Variants in OR2A14 observed in about 807,000 individuals in gnomAD.
OR2A14 encodes olfactory receptor family 2 subfamily A member 14, also known as olfactory receptor 2A14.
Under a neutral mutation model 2.4 loss-of-function variants are expected in OR2A14, and 2 were observed. That is an observed-to-expected ratio of 0.85 (90% CI 0.35 to 2.67). OR2A14 has a LOEUF of 2.67. Ranked by LOEUF, OR2A14 falls within the 30% of genes most tolerant of loss-of-function variation. The pLI, the probability that OR2A14 is intolerant of heterozygous loss-of-function variation, is 0.10. For synonymous variants in OR2A14, 160 were observed against 156.3 expected (o/e 1.02, Z -0.18); for missense variants, 390 against 379.4 (o/e 1.03, Z -0.23).
Position 144,130,005 on chromosome 7 carries a change from G to A in OR2A14, c.893G>A (p.Gly298Asp), listed in dbSNP as rs2051519643. 6.2e-7 allele frequency: 1 copy of A among 1,613,972 alleles called. No individual in the cohort carries two copies. The highest frequency in any genetic ancestry group is 8.5e-7 in the Non-Finnish European group (1 of 1,179,878). Residue 298 changes from glycine to aspartate, a missense_variant, in exon 2 of 2, where the codon GGC (glycine) becomes GAC (aspartate). Gly to Asp is a moderately conservative substitution (Grantham distance 94). Coordinates refer to ENST00000641068, the MANE Select transcript of OR2A14 (RefSeq NM_001001659.3). ...IYSLRNAEVK[G>D]ALRRALRKER... ...AGCCTAAGGAATGCAGAGGTCAAGG[G>A]CGCCCTGAGGAGGGCACTGAGGAAG...
In OR2A14 at chr7:144,130,033, G is replaced by C. The variant is rs750458019; in HGVS notation, c.921G>C (p.Glu307Asp). Residue 307 changes from glutamate to aspartate, a missense_variant, in exon 2 of 2, where the codon GAG becomes GAC. Transcript: ENST00000641068. ...CCCTGAGGAGGGCACTGAGGAAGGAGAGGCTGACGTGAGACATCTCAAAGG... is the reference window on the plus strand; with the variant it reads ...CCCTGAGGAGGGCACTGAGGAAGGACAGGCTGACGTGAGACATCTCAAAGG... ...KGALRRALRK[E>D]RLT The C allele has an allele frequency of 6.2e-6, 10 of 1,611,470 alleles. No individual in the cohort carries two copies. Among genetic ancestry groups the C allele is most frequent in the South Asian group, 2.2e-5 (2 of 90,966 alleles).
In OR2A14 at chr7:144,130,086, T is replaced by C. The variant is rs1460161069; in HGVS notation, c.*41T>C. ...ACCATGGGGAGGGAGCCTTGCTCCC[T>C]GCAAAATATAGAAGTTGGCTTTTTT... On this transcript the variant is annotated 3_prime_UTR_variant, in exon 2 of 2. Coordinates refer to ENST00000641068, the MANE Select transcript of OR2A14 (RefSeq NM_001001659.3). 6.7e-7 allele frequency: 1 copy of C among 1,493,332 alleles called. No individual in the cohort carries two copies. The highest frequency in any genetic ancestry group is 2.3e-5 in the Admixed American group (1 of 44,008). 92.5% of individuals were successfully genotyped at this position (1,493,332 alleles called of 1,614,324 possible). A position where few individuals can be genotyped will look rare whatever the true frequency, so the allele number is the denominator to read the frequency against.
Position 144,130,165 on chromosome 7 carries a change from A to G in OR2A14, c.*120A>G. ...CCTTAAACTGGAATACTATAGACCT[A>G]TACATATAAACTGAAGACACAAATC... On this transcript the variant is annotated 3_prime_UTR_variant, in exon 2 of 2. Transcript: ENST00000641068. 2 of 732,986 alleles carry G rather than the reference A, an allele frequency of 2.7e-6. No individual in the cohort carries two copies. Among genetic ancestry groups the G allele is most frequent in the Non-Finnish European group, 4.5e-6 (2 of 447,794 alleles). The allele number at this position is 732,986 out of a possible 1,614,324, so 45.4% of individuals were successfully genotyped here. A position where few individuals can be genotyped will look rare whatever the true frequency, so the allele number is the denominator to read the frequency against.
chr7:144,124,829 G>T, intron 1 of OR2A14, among the ~76,000 whole-genome samples: 1 of 151,764 alleles, frequency 6.6e-6, no homozygotes. Flanking sequence ...TCTTTAAATT[G>T]CTTTTTAATT....
In OR2A14 at chr7:144,129,609, C is replaced by T. The variant is rs1377006280; in HGVS notation, c.497C>T (p.Pro166Leu). ...LVPLVLILSL[P>L]FCGPHEINHF... is the part of the protein sequence containing the mutation. ...CCTTTAGTTCTCATCCTGAGCCTGC[C>T]CTTCTGCGGGCCTCATGAAATCAAC... Residue 166 changes from proline (P) to leucine (L), a missense_variant, in exon 2 of 2, where the codon CCC (proline) becomes CTC (leucine). Transcript: ENST00000641068. 6.2e-7 allele frequency: 1 copy of T among 1,605,564 alleles called. No homozygotes were observed. Among genetic ancestry groups the T allele is most frequent in the East Asian group, 2.3e-5 (1 of 44,300 alleles).
At chr7:144,127,404 A>G (rs1318984845) in intron 1 of OR2A14, among the ~76,000 whole-genome samples, 1 of 152,158 alleles carries the variant, frequency 6.6e-6, no homozygotes, top group Non-Finnish European at 1.5e-5. Context: ...AGGGATAAAA[A>G]CCTTAGAAAT....
chr7:144,127,742 G>A (rs1217192820), intron 1 of OR2A14, among the ~76,000 whole-genome samples: 1 of 152,076 alleles, frequency 6.6e-6, no homozygotes, highest in African/African-American at 2.4e-5. Context: ...CATCAAAATT[G>A]TTTTTTTAAA....
At chr7:144,123,652 C>T (rs954213756) in intron 1 of OR2A14, among the ~76,000 whole-genome samples, 43 of 152,276 alleles carry the variant, frequency 2.8e-4, no homozygotes, top group Non-Finnish European at 8.8e-5. Context: ...ACAAATAATG[C>T]TAATTTTAAA....
rs566103995 is a variant in OR2A14 at position 144,131,143 on chromosome 7, T to G, written c.*1098T>G. ...TCCTCCTTTGACACTTTCTAAAATA[T>G]GCCATGACTCAATAGCCAGTGGACT... On this transcript the variant is annotated 3_prime_UTR_variant, in exon 2 of 2. Coordinates refer to ENST00000641068, the MANE Select transcript of OR2A14 (RefSeq NM_001001659.3). 1.8e-4 allele frequency: 28 copies of G among 152,334 alleles called. No individual in the cohort carries two copies. The highest frequency in any genetic ancestry group is 6.7e-4 in the African/African-American group (28 of 41,572). The allele number at this position is 152,334 out of a possible 1,614,324, so 9.4% of individuals were successfully genotyped here. A position where few individuals can be genotyped will look rare whatever the true frequency, so the allele number is the denominator to read the frequency against.
Position 144,129,809 on chromosome 7 carries a change from C to T in OR2A14, c.697C>T (p.Arg233Cys), listed in dbSNP as rs530765762. 3.1e-6 allele frequency: 5 copies of T among 1,614,056 alleles called. No homozygotes were observed. In the East Asian group the frequency reaches 6.7e-5, roughly 22 times the overall value. The stretch of plus-strand genomic sequence containing the variant: ...CTTGAGGATCCAGTCTGGGGAGGGC[C>T]GCAGAAAGGCCTTCTCCACCTGCTC... Reference protein sequence around the residue: ...AILRIQSGEGRRKAFSTCSSH... With the variant: ...AILRIQSGEGCRKAFSTCSSH... Residue 233 changes from arginine to cysteine, a missense_variant, in exon 2 of 2, where the codon CGC (arginine) becomes TGC (cysteine). By Grantham distance (180) the Arg-to-Cys change is radical. Coordinates refer to ENST00000641068, the MANE Select transcript of OR2A14 (RefSeq NM_001001659.3).
rs1389418739 is a variant in OR2A14 at position 144,130,160 on chromosome 7, G to A, written c.*115G>A. The A allele has an allele frequency of 2.6e-6, 2 of 767,812 alleles. No homozygotes were observed. The highest frequency in any genetic ancestry group is 2.5e-5 in the East Asian group (1 of 40,048). The allele number at this position is 767,812 out of a possible 1,614,324, so 47.6% of individuals were successfully genotyped here. A position where few individuals can be genotyped will look rare whatever the true frequency, so the allele number is the denominator to read the frequency against. ...TGCTACCTTAAACTGGAATACTATA[G>A]ACCTATACATATAAACTGAAGACAC... On this transcript the variant is annotated 3_prime_UTR_variant, in exon 2 of 2. Coordinates refer to ENST00000641068, the MANE Select transcript of OR2A14 (RefSeq NM_001001659.3).
chr7:144,130,738 CA>C lies in OR2A14; in HGVS notation c.*694del, dbSNP rs2051526112. The C allele has an allele frequency of 6.6e-6, 1 of 151,770 alleles. No individual in the cohort carries two copies. The highest frequency in any genetic ancestry group is 2.1e-4 in the South Asian group (1 of 4,826). 9.4% of individuals were successfully genotyped at this position (151,770 alleles called of 1,614,324 possible). On this transcript the variant is annotated 3_prime_UTR_variant, in exon 2 of 2. Coordinates refer to ENST00000641068, the MANE Select transcript of OR2A14 (RefSeq NM_001001659.3). ...TAGTAGCCAAGTCACATTGAGTTAA[CA>C]GGAGCATAGTACACATCCTCAAGAT...
Position 144,129,986 on chromosome 7 carries a change from A to G in OR2A14, c.874A>G (p.Arg292Gly). Residue 292 changes from arginine to glycine, a missense_variant, in exon 2 of 2, where the codon AGG becomes GGG. Arg to Gly is a moderately radical substitution (Grantham distance 125). Coordinates refer to ENST00000641068, the MANE Select transcript of OR2A14 (RefSeq NM_001001659.3). ...GCTGAACCCCCTGATATATAGCCTA[A>G]GGAATGCAGAGGTCAAGGGCGCCCT... ...PMLNPLIYSL[R>G]NAEVKGALRR... 6.2e-7 allele frequency: 1 copy of G among 1,614,214 alleles called. No homozygotes were observed. The highest frequency in any genetic ancestry group is 1.3e-5 in the African/African-American group (1 of 75,066).
chr7:144,128,615 A>G lies in OR2A14; in HGVS notation c.-34-464A>G, dbSNP rs533954371. On this transcript the variant is annotated intron_variant, in intron 1 of 1. Coordinates refer to ENST00000641068, the MANE Select transcript of OR2A14 (RefSeq NM_001001659.3). ...GCCTGTGAGGAGGTGAGGGACAGTG[A>G]GCAAGCCCATGGCAAACAGAGGGTC... Among the ~76,000 whole-genome samples, 42 of 152,338 alleles carry G rather than the reference A, an allele frequency of 2.8e-4. 1 individual carries two copies. In the South Asian group the frequency reaches 8.1e-3, roughly 29 times the overall value.
rs1311911751 is a variant in OR2A14, at chr7:144,129,793, C to G, written c.681C>G (p.Ile227Met). 1.9e-6 allele frequency: 3 copies of G among 1,614,054 alleles called. No individual in the cohort carries two copies. ...YLRILAAILR[I>M]QSGEGRRKAF... ...GCATCCTGGCCGCCATCTTGAGGAT[C>G]CAGTCTGGGGAGGGCCGCAGAAAGG... The change falls in exon 2 of 2, where the codon ATC becomes ATG. Residue 227 changes from isoleucine (I) to methionine (M), a missense_variant. By Grantham distance (10) the Ile-to-Met change is conservative. Coordinates refer to ENST00000641068, the MANE Select transcript of OR2A14 (RefSeq NM_001001659.3).
At chr7:144,124,683 C>T (rs192408779) in intron 1 of OR2A14, among the ~76,000 whole-genome samples, 1 of 152,062 alleles carries the variant, frequency 6.6e-6, no homozygotes, top group Non-Finnish European at 1.5e-5. Flanking sequence ...AATACGCCCC[C>T]CTTTTCTTTC....
In OR2A14 at chr7:144,131,148, T is replaced by C. The variant is rs1184189081; in HGVS notation, c.*1103T>C. 1 of 152,210 alleles carries C rather than the reference T, an allele frequency of 6.6e-6. No individual in the cohort carries two copies. The highest frequency in any genetic ancestry group is 1.5e-5 in the Non-Finnish European group (1 of 68,058). 9.4% of individuals were successfully genotyped at this position (152,210 alleles called of 1,614,324 possible). ...CTTTGACACTTTCTAAAATATGCCA[T>C]GACTCAATAGCCAGTGGACTGTAAA... On this transcript the variant is annotated 3_prime_UTR_variant, in exon 2 of 2. Transcript: ENST00000641068.
chr7:144,127,828 T>C (rs1351048795), intron 1 of OR2A14, among the ~76,000 whole-genome samples: 3 of 152,190 alleles, frequency 2.0e-5, no homozygotes, highest in Non-Finnish European at 4.4e-5. Context: ...GGAATAAATG[T>C]GAAGTGTTAA....
At position 144,127,395 on chromosome 7, in the gene OR2A14, G is replaced by C. The variant is rs1450689600; in HGVS notation, c.-34-1684G>C. ...GATTTTCTAGATGGAAGTTAAAATA[G>C]GGATAAAAACCTTAGAAATGTCTGT... On this transcript the variant is annotated intron_variant, in intron 1 of 1. Coordinates refer to ENST00000641068, the MANE Select transcript of OR2A14 (RefSeq NM_001001659.3). Among the ~76,000 whole-genome samples, 5 of 152,260 alleles carry C rather than the reference G, an allele frequency of 3.3e-5. No homozygotes were observed. In the East Asian group the frequency reaches 9.6e-4, roughly 29 times the overall value.
Sources: gnomAD v4.1 joint callset for allele counts (sites outside exome capture counted in the v4.1 genomes callset) on GRCh38, gnomAD v4.1.1 for gene constraint, MANE v1.5 for transcripts, NCBI Gene and HGNC (gene_info 2026-07-23, HGNC 2026-07-21) for gene names.